PKIB: variants seen among roughly 807,000 people sequenced by gnomAD.
PKIB encodes the protein cAMP-dependent protein kinase inhibitor beta, also known as PKI-beta.
Under a neutral mutation model 4.5 loss-of-function variants are expected in PKIB, and 2 were observed. That is an observed-to-expected ratio of 0.44 (90% CI 0.18 to 1.39). PKIB has a LOEUF of 1.39. Among genes scored for constraint, PKIB ranks in the 40% most tolerant of loss-of-function variants. PKIB has a pLI of 0.27. For missense variants in PKIB, 94 were observed against 92.6 expected (o/e 1.02, Z -0.06); for synonymous variants, 38 against 36.0 (o/e 1.06, Z -0.20).
intron 1 of PKIB, among the ~76,000 whole-genome samples, chr6:122,472,540 A>T (rs1054888935): frequency 2.0e-5 from 3 of 152,230 alleles, no homozygotes; most frequent in Non-Finnish European, 4.4e-5. Flanking sequence ...ATGCATTCCT[A>T]TAAAAGTTCC....
intron 2 of PKIB, among the ~76,000 whole-genome samples, chr6:122,505,964 A>G (rs1002334070): frequency 1.3e-5 from 2 of 152,134 alleles, no homozygotes; most frequent in Non-Finnish European, 2.9e-5. Context: ...TGTAGTTTGA[A>G]TAGAGGAGTG....
chr6:122,494,013 G>T, intron 2 of PKIB, among the ~76,000 whole-genome samples: 1 of 151,982 alleles, frequency 6.6e-6, no homozygotes, highest in East Asian at 1.9e-4. Context: ...AGAGTCATGA[G>T]ACATATATGC....
chr6:122,508,497 T>C (rs987259735), intron 2 of PKIB, among the ~76,000 whole-genome samples: 1 of 152,142 alleles, frequency 6.6e-6, no homozygotes, highest in African/African-American at 2.4e-5. Flanking sequence ...AGTGGAAACT[T>C]TGGGCATTAG....
chr6:122,671,846 A>G (rs1187163201), intron 2 of PKIB, among the ~76,000 whole-genome samples: 2 of 152,162 alleles, frequency 1.3e-5, no homozygotes, highest in Non-Finnish European at 2.9e-5. Context: ...TGTTATTTGC[A>G]TGTTAACATG....
At chr6:122,558,581 C>A (rs908442807) in intron 2 of PKIB, among the ~76,000 whole-genome samples, 41 of 152,142 alleles carry the variant, frequency 2.7e-4, no homozygotes, top group African/African-American at 9.9e-4. Context: ...ATTATATCAT[C>A]CTTAGTTGTC....
At chr6:122,620,784 A>G (rs1775196230) in intron 1 of PKIB, among the ~76,000 whole-genome samples, 1 of 152,154 alleles carries the variant, frequency 6.6e-6, no homozygotes, top group Admixed American at 6.5e-5. Context: ...TAAATTTTTA[A>G]TTAGGATTTT....
chr6:122,484,719 A>G (rs1483520339), intron 2 of PKIB, among the ~76,000 whole-genome samples: 1 of 152,190 alleles, frequency 6.6e-6, no homozygotes, highest in African/African-American at 2.4e-5. Context: ...CAAACCCTGA[A>G]ACAAAACAAC....
intron 2 of PKIB, among the ~76,000 whole-genome samples, chr6:122,574,804 T>C (rs1431038622): frequency 6.6e-6 from 1 of 152,112 alleles, no homozygotes; most frequent in African/African-American, 2.4e-5. Flanking sequence ...TTCTGGAAGA[T>C]AACATCAGAA....
rs73545250 is a variant in PKIB, at chr6:122,491,967, G to T, written c.-248+14028G>T. 5.0e-3 allele frequency among the ~76,000 whole-genome samples: 766 copies of T among 152,292 alleles called. 5 individuals carry two copies. The highest frequency in any genetic ancestry group is 0.017 in the African/African-American group (714 of 41,562). On this transcript the variant is annotated intron_variant, in intron 2 of 6. Transcript: ENST00000392491. The stretch of plus-strand genomic sequence containing the variant: ...GAATTATGAGTACTGAAAGCCCTTT[G>T]TAATTCCACTACATTACTAAAAGCT...
At chr6:122,637,740 G>A (rs1309119938) in intron 2 of PKIB, among the ~76,000 whole-genome samples, 2 of 144,410 alleles carry the variant, frequency 1.4e-5, no homozygotes, top group African/African-American at 2.6e-5. Context: ...GGGTGACAGA[G>A]CAAGACTCCG....
chr6:122,721,720 T>A (rs9401577), intron 4 of PKIB, among the ~76,000 whole-genome samples: 16,507 of 151,984 alleles, frequency 0.11, 1,327 homozygotes, highest in East Asian at 0.38. Context: ...CCTAATTTAG[T>A]AAACAGTTAA....
chr6:122,546,031 T>G (rs970740047), intron 2 of PKIB, among the ~76,000 whole-genome samples: 1 of 152,010 alleles, frequency 6.6e-6, no homozygotes, highest in Admixed American at 6.5e-5. Context: ...GGGTTTTCTC[T>G]TAAAGGCTCA....
intron 2 of PKIB, among the ~76,000 whole-genome samples, chr6:122,656,578 A>T (rs1378803471): frequency 2.6e-5 from 4 of 152,124 alleles, no homozygotes; most frequent in East Asian, 3.9e-4. Flanking sequence ...ACTGCCCCTG[A>T]CCCACAGTGA....
chr6:122,570,367 C>T (rs545851195), intron 2 of PKIB, among the ~76,000 whole-genome samples: 12 of 152,334 alleles, frequency 7.9e-5, no homozygotes, highest in East Asian at 5.8e-4. Context: ...GGTATTACAT[C>T]TACCCACCTG....
At chr6:122,691,470 G>A (rs931526792) in intron 3 of PKIB, among the ~76,000 whole-genome samples, 1 of 152,078 alleles carries the variant, frequency 6.6e-6, no homozygotes, top group Non-Finnish European at 1.5e-5. Context: ...CTGCTATTAA[G>A]AGACTCTGAT....
chr6:122,490,530 G>A (rs971094194), intron 2 of PKIB, among the ~76,000 whole-genome samples: 3 of 152,040 alleles, frequency 2.0e-5, no homozygotes, highest in African/African-American at 4.8e-5. Flanking sequence ...CCATCCTCTC[G>A]GTGATGAGTG....
At chr6:122,633,914 C>A (rs1775796292) in intron 2 of PKIB, among the ~76,000 whole-genome samples, 1 of 144,432 alleles carries the variant, frequency 6.9e-6, no homozygotes, top group South Asian at 2.3e-4. Context: ...GTGCTGGTAT[C>A]TCACAGATAT....
At chr6:122,698,535 A>C (rs993883818) in intron 3 of PKIB, among the ~76,000 whole-genome samples, 12 of 152,176 alleles carry the variant, frequency 7.9e-5, no homozygotes, top group Non-Finnish European at 1.6e-4. Flanking sequence ...AATGGTGTAT[A>C]GTACAAGGCC....
chr6:122,705,781 G>T (rs972947671), intron 3 of PKIB, among the ~76,000 whole-genome samples: 12 of 151,906 alleles, frequency 7.9e-5, no homozygotes, highest in African/African-American at 2.9e-4. Context: ...TGGCCAGGAT[G>T]GTCTCGATCT....
Sources: gnomAD v4.1 joint callset for allele counts (sites outside exome capture counted in the v4.1 genomes callset) on GRCh38, gnomAD v4.1.1 for gene constraint, MANE v1.5 for transcripts, NCBI Gene and HGNC (gene_info 2026-07-23, HGNC 2026-07-21) for gene names.